The following IRAK2 variants were observed in gnomAD, a reference collection of about 807,000 sequenced individuals.
IRAK2 encodes the protein interleukin-1 receptor-associated kinase-like 2.
In IRAK2, 57 loss-of-function variants were observed where a neutral mutation model predicts 72.0. The ratio of observed to expected loss-of-function variants is 0.79; its 90% CI spans 0.64 to 0.99. The LOEUF (loss-of-function observed/expected upper bound fraction) is 0.99, where lower values mean the gene tolerates loss of function less well. Ranked by LOEUF, IRAK2 falls within the 50% of genes least tolerant of loss-of-function variation. The pLI is 0.00. For missense variants in IRAK2, 790 were observed against 794.4 expected (o/e 0.99, Z 0.07); for synonymous variants, 293 against 312.7 (o/e 0.94, Z 0.67).
intron 2 of IRAK2, among the ~76,000 whole-genome samples, chr3:10,194,371 T>A (rs165499): frequency 0.072 from 10,976 of 152,312 alleles, 800 homozygotes; most frequent in African/African-American, 0.18. Context: ...GAGAATTTAA[T>A]CCTGGGAGGA....
chr3:10,184,524 C>T (rs1697012629), intron 2 of IRAK2, among the ~76,000 whole-genome samples: 1 of 151,768 alleles, frequency 6.6e-6, no homozygotes, highest in Non-Finnish European at 1.5e-5. Context: ...CAGGGCCTCT[C>T]AACCAAAGAG....
intron 3 of IRAK2, among the ~76,000 whole-genome samples, chr3:10,205,052 G>A (rs542529268): frequency 5.3e-5 from 8 of 152,176 alleles, no homozygotes; most frequent in African/African-American, 1.9e-4. Flanking sequence ...AAAGCCAAGA[G>A]CATAATGACC....
intron 1 of IRAK2, 48 bp downstream of exon 1, chr3:10,165,096 C>T: frequency 6.6e-7 from 1 of 1,518,672 alleles, no homozygotes; most frequent in Non-Finnish European, 9.0e-7. Context: ...CCGGAGCCCC[C>T]AGCGATCCCG....
intron 3 of IRAK2, among the ~76,000 whole-genome samples, chr3:10,206,918 A>G (rs1472760273): frequency 6.6e-6 from 1 of 151,706 alleles, no homozygotes; most frequent in African/African-American, 2.4e-5. Flanking sequence ...GCAGTGGCAC[A>G]GCTCAGCTCA....
chr3:10,205,858 A>G (rs1255189444), intron 3 of IRAK2, among the ~76,000 whole-genome samples: 1 of 152,240 alleles, frequency 6.6e-6, no homozygotes, highest in Admixed American at 6.5e-5. Context: ...TGGAGACCGG[A>G]TGAACATAAC....
At chr3:10,179,689 C>T (rs1333953024) in intron 2 of IRAK2, among the ~76,000 whole-genome samples, 1 of 152,130 alleles carries the variant, frequency 6.6e-6, no homozygotes, top group Non-Finnish European at 1.5e-5. Context: ...CTGCCTTGGC[C>T]TTCCAAAGTG....
chr3:10,182,279 C>CTT (rs71626967), intron 2 of IRAK2, among the ~76,000 whole-genome samples: 3 of 117,634 alleles, frequency 2.6e-5, no homozygotes, highest in Non-Finnish European at 3.7e-5. Context: ...ACATCATTTT[C>CTT]TTTTTTTCTT....
intron 6 of IRAK2, among the ~76,000 whole-genome samples, chr3:10,215,231 A>T (rs13092260): frequency 0.31 from 46,365 of 151,300 alleles, 8,153 homozygotes; most frequent in Admixed American, 0.4. Flanking sequence ...TACTAAAAAA[A>T]ATTCATACAA....
At chr3:10,186,207 G>A (rs1220607582) in intron 2 of IRAK2, among the ~76,000 whole-genome samples, 1 of 151,748 alleles carries the variant, frequency 6.6e-6, no homozygotes, top group Non-Finnish European at 1.5e-5. Flanking sequence ...TTTATTTAGG[G>A]CTCCTTGGCT....
chr3:10,217,904 C>T (rs1486824233), intron 7 of IRAK2, among the ~76,000 whole-genome samples: 1 of 152,198 alleles, frequency 6.6e-6, no homozygotes, highest in African/African-American at 2.4e-5. Context: ...TCATCACCTC[C>T]AGGCCGTGCC....
At chr3:10,235,521 C>G (rs1697943295) in intron 11 of IRAK2, among the ~76,000 whole-genome samples, 3 of 152,100 alleles carry the variant, frequency 2.0e-5, no homozygotes, top group Admixed American at 6.6e-5. Flanking sequence ...TAGAAATCAT[C>G]TAGCAGAGTG....
At chr3:10,173,155 G>A (rs1696823373) in intron 1 of IRAK2, among the ~76,000 whole-genome samples, 1 of 152,084 alleles carries the variant, frequency 6.6e-6, no homozygotes, top group African/African-American at 2.4e-5. Flanking sequence ...TTTGACAGAT[G>A]AGGAAACTGA....
At chr3:10,240,448 C>T (rs1469495467) in intron 12 of IRAK2, among the ~76,000 whole-genome samples, 1 of 138,462 alleles carries the variant, frequency 7.2e-6, no homozygotes, top group East Asian at 2.3e-4. Flanking sequence ...CAGAGGAAAA[C>T]TGTCTCAGGG....
At chr3:10,204,485 T>A (rs1697407908) in intron 3 of IRAK2, among the ~76,000 whole-genome samples, 1 of 152,124 alleles carries the variant, frequency 6.6e-6, no homozygotes, top group South Asian at 2.1e-4. Context: ...GCAGGCATAT[T>A]AGCCTCAGTA....
intron 2 of IRAK2, among the ~76,000 whole-genome samples, chr3:10,180,570 C>G (rs1575956370): frequency 6.6e-6 from 1 of 152,042 alleles, no homozygotes; most frequent in Non-Finnish European, 1.5e-5. Context: ...GTGGTGGGAG[C>G]CCCAGACACC....
chr3:10,181,715 C>T (rs1696962200), intron 2 of IRAK2, among the ~76,000 whole-genome samples: 1 of 152,180 alleles, frequency 6.6e-6, no homozygotes, highest in South Asian at 2.1e-4. Context: ...CACAACCTTG[C>T]ATAAAGACCA....
intron 6 of IRAK2, among the ~76,000 whole-genome samples, chr3:10,216,702 G>C (rs1697609427): frequency 6.6e-6 from 1 of 152,156 alleles, no homozygotes; most frequent in South Asian, 2.1e-4. Context: ...GGGCAGTTGA[G>C]ATGTCATGTG....
chr3:10,196,963 A>C (rs1697277081), intron 2 of IRAK2, among the ~76,000 whole-genome samples: 1 of 152,200 alleles, frequency 6.6e-6, no homozygotes, highest in African/African-American at 2.4e-5. Flanking sequence ...TCTCGTCATT[A>C]CTTTAGCTAG....
At chr3:10,211,391 C>T (rs1036432126) in intron 4 of IRAK2, among the ~76,000 whole-genome samples, 1 of 5,432 alleles carries the variant, frequency 1.8e-4, no homozygotes, top group Non-Finnish European at 3.4e-4. Flanking sequence ...ATCCGCCTGC[C>T]TTGGCCTCCC....
Sources: allele counts gnomAD v4.1 joint callset (sites outside exome capture counted in the v4.1 genomes callset), GRCh38; gene constraint gnomAD v4.1.1; transcripts MANE v1.5; gene names NCBI Gene and HGNC (gene_info 2026-07-23, HGNC 2026-07-21).